The following ZMYND8 variants were observed in gnomAD, a reference collection of about 807,000 sequenced individuals.
The protein encoded by ZMYND8 is MYND-type zinc finger-containing chromatin reader ZMYND8.
ZMYND8 carries 37 observed loss-of-function variants against 140.8 expected under a neutral mutation model. That is an observed-to-expected ratio of 0.26 (90% CI 0.20 to 0.35). The LOEUF (loss-of-function observed/expected upper bound fraction) is 0.35, where lower values mean the gene tolerates loss of function less well. Ranked by LOEUF, ZMYND8 falls within the 10% of genes least tolerant of loss-of-function variation. The pLI is 1.00. For synonymous variants in ZMYND8, 592 were observed against 597.1 expected (o/e 0.99, Z 0.12); for missense variants, 1,068 against 1,570.0 (o/e 0.68, Z 5.40).
At chr20:47,294,962 A>G (rs747332165) in intron 4 of ZMYND8, among the ~76,000 whole-genome samples, 183 bp from the exon 5 acceptor site, 17 of 152,242 alleles carry the variant, frequency 1.1e-4, no homozygotes, top group Non-Finnish European at 2.2e-4. Flanking sequence ...TAACTATTAA[A>G]AAGCGTATCA....
chr20:47,273,550 AAT>A (rs1405203796), intron 11 of ZMYND8, among the ~76,000 whole-genome samples: 2 of 152,182 alleles, frequency 1.3e-5, no homozygotes, highest in African/African-American at 4.8e-5. Flanking sequence ...CATCTCAAAA[AAT>A]ATAAAAATTT....
intron 14 of ZMYND8, 87 bp downstream of exon 14, chr20:47,245,921 T>A (rs1204265363): frequency 6.6e-7 from 1 of 1,506,420 alleles, no homozygotes; most frequent in Non-Finnish European, 8.9e-7. Flanking sequence ...TTTGTTTCTT[T>A]AAGGGTCACA....
chr20:47,356,514 T>A (rs1031508388), intron 1 of ZMYND8, 143 bp downstream of exon 1: 21 of 1,605,640 alleles, frequency 1.3e-5, no homozygotes, highest in Non-Finnish European at 1.5e-5. Flanking sequence ...AGCAAAAAAA[T>A]TCTCTCTAAA....
Position 47,229,159 on chromosome 20 carries a change from A to AT in ZMYND8, c.2937+566dup, listed in dbSNP as rs565078616. Among the ~76,000 whole-genome samples the AT allele has an allele frequency of 9.8e-4, 148 of 150,846 alleles. 2 individuals are homozygous for AT. In the South Asian group the frequency reaches 0.03, roughly 31 times the overall value. On this transcript the variant is annotated intron_variant, in intron 17 of 22. Coordinates refer to ENST00000471951, the MANE Select transcript of ZMYND8 (RefSeq NM_001281775.3). ...ACCATCTCCTGCTTGTTTTTTTAAA[A>AT]TTTTTGTAGAAATGGGGTTTCACTA... is the stretch of plus-strand genomic sequence containing the variant.
In ZMYND8 at chr20:47,312,738, C is replaced by T. The variant is rs553693920; in HGVS notation, c.86-2534G>A. ...CCTGGAGTCAGAGGTTGCTGTGAGC[C>T]GAGATCACACCGCTGCACTCCAGTC... On this transcript the variant is annotated intron_variant, in intron 2 of 22. Transcript: ENST00000471951. Among the ~76,000 whole-genome samples, 9 of 149,054 alleles carry T rather than the reference C, an allele frequency of 6.0e-5. 1 individual carries two copies. The highest frequency in any genetic ancestry group is 1.3e-4 in the Non-Finnish European group (9 of 67,484).
intron 16 of ZMYND8, among the ~76,000 whole-genome samples, chr20:47,235,866 T>C (rs1025541519): frequency 3.3e-5 from 5 of 152,172 alleles, no homozygotes; most frequent in Non-Finnish European, 7.4e-5. Context: ...GGGAGTCCCC[T>C]TGGTCCCCCT....
intron 2 of ZMYND8, among the ~76,000 whole-genome samples, chr20:47,326,079 T>G (rs369302656): frequency 3.3e-5 from 5 of 152,340 alleles, no homozygotes; most frequent in African/African-American, 1.2e-4. Flanking sequence ...TGCCTCAGCC[T>G]CTTGAGTAGC....
rs376816959 is a variant in ZMYND8, at chr20:47,210,922, A to C, written c.3569-25T>G. The stretch of plus-strand genomic sequence containing the variant: ...TCTGAGGGGGAAAACCAATGTGTTT[A>C]GCGTGCCTGCCCACCTGCGCCTGAG... On this transcript the variant is annotated intron_variant, in intron 22 of 22. Transcript: ENST00000471951. 12 of 1,607,160 alleles carry C rather than the reference A, an allele frequency of 7.5e-6. No individual in the cohort carries two copies. In the African/African-American group the frequency reaches 1.6e-4, roughly 21 times the overall value.
intron 16 of ZMYND8, among the ~76,000 whole-genome samples, chr20:47,234,689 T>C (rs551863456): frequency 3.9e-5 from 6 of 152,166 alleles, no homozygotes; most frequent in Admixed American, 6.5e-5. Context: ...CAATTACACC[T>C]ACACAGAAGA....
intron 11 of ZMYND8, among the ~76,000 whole-genome samples, chr20:47,264,395 G>A (rs2075361427): frequency 6.6e-6 from 1 of 152,128 alleles, no homozygotes; most frequent in Admixed American, 6.5e-5. Context: ...TCCTGCCTCA[G>A]CCTCCCAAAT....
intron 2 of ZMYND8, among the ~76,000 whole-genome samples, chr20:47,337,283 C>T (rs1356914530): frequency 6.6e-6 from 1 of 152,030 alleles, no homozygotes; most frequent in Admixed American, 6.6e-5. Context: ...ATCCAGGAGG[C>T]GGAGGCTGCA....
intron 2 of ZMYND8, among the ~76,000 whole-genome samples, chr20:47,331,014 A>T (rs1361404642): frequency 1.3e-5 from 2 of 152,206 alleles, no homozygotes; most frequent in African/African-American, 4.8e-5. Flanking sequence ...TGAGGCTTTG[A>T]TGGATCTGCA....
intron 2 of ZMYND8, among the ~76,000 whole-genome samples, chr20:47,330,921 C>T (rs958427622): frequency 6.6e-6 from 1 of 152,210 alleles, no homozygotes; most frequent in African/African-American, 2.4e-5. Context: ...AGGCAGAACT[C>T]ATCCTCATTT....
At chr20:47,347,732 G>A (rs762557604) in intron 2 of ZMYND8, 124 bp downstream of exon 2, 2 of 936,294 alleles carry the variant, frequency 2.1e-6, no homozygotes, top group Non-Finnish European at 3.3e-6. Flanking sequence ...TCTTATATCT[G>A]AAAATCCAAG....
chr20:47,351,288 G>C (rs1206069277), intron 1 of ZMYND8, among the ~76,000 whole-genome samples: 1 of 152,088 alleles, frequency 6.6e-6, no homozygotes, highest in Non-Finnish European at 1.5e-5. Context: ...ACTTCCAAGA[G>C]AGAGAAAAAA....
At chr20:47,283,827 G>T (rs545820023) in intron 8 of ZMYND8, among the ~76,000 whole-genome samples, 179 bp from the exon 9 acceptor site, 1 of 151,996 alleles carries the variant, frequency 6.6e-6, no homozygotes, top group Non-Finnish European at 1.5e-5. Context: ...CCAAGCCACC[G>T]TCCTTTCTCT....
At chr20:47,239,702 GT>G (rs949426877) in intron 14 of ZMYND8, among the ~76,000 whole-genome samples, 2 of 152,194 alleles carry the variant, frequency 1.3e-5, no homozygotes, top group Non-Finnish European at 2.9e-5. Context: ...CCAGGACAAA[GT>G]TTGAAGGCGG....
At chr20:47,356,245 G>T in intron 1 of ZMYND8, 1 of 874,912 alleles carries the variant, frequency 1.1e-6, no homozygotes, top group Non-Finnish European at 1.5e-6. Flanking sequence ...AGCAGGGCAT[G>T]TGGCAAAAGA....
rs567184242 is a variant in ZMYND8 at position 47,229,895 on chromosome 20, A to G, written c.2857-89T>C. 1.4e-4 allele frequency: 178 copies of G among 1,229,116 alleles called. 1 individual carries two copies. The South Asian group carries it at 2.5e-3, about 17-fold the overall frequency. 76.1% of individuals were successfully genotyped at this position (1,229,116 alleles called of 1,614,324 possible). A position where few individuals can be genotyped will look rare whatever the true frequency, so the allele number is the denominator to read the frequency against. On this transcript the variant is annotated intron_variant, in intron 16 of 22. Transcript: ENST00000471951. ...TACTTAAAATCTATCTGTATAAAGC[A>G]GAGGTTCTCAACTTAGGGCAATTTT...
Sources: allele counts gnomAD v4.1 joint callset (sites outside exome capture counted in the v4.1 genomes callset), GRCh38; gene constraint gnomAD v4.1.1; transcripts MANE v1.5; gene names NCBI Gene and HGNC (gene_info 2026-07-23, HGNC 2026-07-21).